The following BRF2 variants were observed in gnomAD, a reference collection of about 807,000 sequenced individuals.
BRF2 encodes the protein BRF2 general transcription factor IIIB subunit.
BRF2 carries 17 observed loss-of-function variants against 26.6 expected under a neutral mutation model. The observed-to-expected ratio is 0.64, with a 90% CI of 0.44 to 0.96. The LOEUF is 0.96. Among genes scored for constraint, BRF2 ranks in the 40% least tolerant of loss-of-function variants. The pLI, the probability that BRF2 is intolerant of heterozygous loss-of-function variation, is 0.00. For missense variants in BRF2, 515 were observed against 537.0 expected (o/e 0.96, Z 0.40); for synonymous variants, 219 against 226.6 (o/e 0.97, Z 0.30).
rs1294253097 is a variant in BRF2, at chr8:37,845,043, G to A, written c.707C>T (p.Ser236Leu). Residue 236 changes from serine to leucine, a missense_variant, in exon 4 of 4, where the codon TCG becomes TTG. Transcript: ENST00000220659. ...TGAAAGCCGATCTGCAGGCTGCAGCGACTGCCAAGCCAGGAAAGTCGCAGC... is the reference window on the plus strand; with the variant it reads ...TGAAAGCCGATCTGCAGGCTGCAGCAACTGCCAAGCCAGGAAAGTCGCAGC... ...ITAATFLAWQ[S>L]LQPADRLSCS... 1 of 1,613,908 alleles carries A rather than the reference G, an allele frequency of 6.2e-7. No individual in the cohort carries two copies. The highest frequency in any genetic ancestry group is 2.2e-5 in the East Asian group (1 of 44,874).
At chr8:37,845,861 C>T in intron 3 of BRF2, 1 of 589,428 alleles carries the variant, frequency 1.7e-6, no homozygotes, top group East Asian at 2.8e-5. Flanking sequence ...ATACTTTCAG[C>T]TTCCTCTGCA....
Position 37,844,502 on chromosome 8 carries a change from AG to A in BRF2, c.1247del (p.Pro416LeufsTer19), listed in dbSNP as rs1805911977. ...CAGTGGATATCCATCAGGGAGGGTT[AG>A]GGACACTCGTGGCAGCCTGTCTAGC... ...QAARQAATSV[P>X]NPP On this transcript the variant is annotated frameshift_variant, in exon 4 of 4. Transcript: ENST00000220659. LOFTEE classifies it high-confidence loss of function. The A allele has an allele frequency of 3.1e-6, 5 of 1,612,868 alleles. No individual in the cohort carries two copies. Among genetic ancestry groups the A allele is most frequent in the Non-Finnish European group, 4.2e-6 (5 of 1,179,924 alleles).
Position 37,844,933 on chromosome 8 carries a change from G to C in BRF2, c.817C>G (p.Leu273Val). The C allele has an allele frequency of 1.2e-6, 2 of 1,614,178 alleles. No homozygotes were observed. The highest frequency in any genetic ancestry group is 2.2e-5 in the South Asian group (2 of 91,092). The stretch of plus-strand genomic sequence containing the variant: ...GCCAGCTGCTCAGCCATCCGCAGCA[G>C]CACAGCCAGCAGCTCCTGCAGGCGG... ...SSRLQELLAV[L>V]LRMAEQLAWL... The change falls in exon 4 of 4, where the codon CTG becomes GTG. Residue 273 changes from leucine to valine, a missense_variant. Transcript: ENST00000220659.
In BRF2 at chr8:37,848,408, A is replaced by G. The variant is rs1307419370; in HGVS notation, c.214+188T>C. On this transcript the variant is annotated intron_variant, in intron 2 of 3. Coordinates refer to ENST00000220659, the MANE Select transcript of BRF2 (RefSeq NM_018310.4). ...ACTACAGGTACATGCCACCATGCCC[A>G]GCTAATTTTTGTATTTTTAGTAGAG... Among the ~76,000 whole-genome samples the G allele has an allele frequency of 4.6e-5, 7 of 151,668 alleles. No homozygotes were observed. In the East Asian group the frequency reaches 1.4e-3, roughly 29 times the overall value.
Position 37,847,326 on chromosome 8 carries a change from A to G in BRF2, c.215-151T>C, listed in dbSNP as rs193232127. On this transcript the variant is annotated intron_variant, in intron 2 of 3. Transcript: ENST00000220659. ...ACCTTTCTGCATAGACAGGAGTGAC[A>G]CTTGGTATAGTCATTCTAAAGACAC... The G allele has an allele frequency of 1.2e-3, 849 of 721,352 alleles. 3 individuals carry two copies. The highest frequency in any genetic ancestry group is 4.8e-3 in the South Asian group (326 of 67,880). The allele number at this position is 721,352 out of a possible 1,614,324, so 44.7% of individuals were successfully genotyped here.
Position 37,843,311 on chromosome 8 carries a change from C to T in BRF2, c.*1179G>A, listed in dbSNP as rs1033151490. 2 of 152,238 alleles carry T rather than the reference C, an allele frequency of 1.3e-5. No individual in the cohort carries two copies. The highest frequency in any genetic ancestry group is 2.9e-5 in the Non-Finnish European group (2 of 68,048). The allele number at this position is 152,238 out of a possible 1,614,324, so 9.4% of individuals were successfully genotyped here. On this transcript the variant is annotated 3_prime_UTR_variant, in exon 4 of 4. Transcript: ENST00000220659. Reference sequence around the variant, plus strand: ...GGACTAAGGAAGAGCACTTCCTTGCCTCCGTAAGGCCAGAGGAAGAACCAT... The same window carrying T: ...GGACTAAGGAAGAGCACTTCCTTGCTTCCGTAAGGCCAGAGGAAGAACCAT...
At chr8:37,846,389 A>G (rs1805956628) in intron 3 of BRF2, among the ~76,000 whole-genome samples, 3 of 152,140 alleles carry the variant, frequency 2.0e-5, no homozygotes, top group Non-Finnish European at 2.9e-5. Flanking sequence ...GTAAAACAAT[A>G]TTAACCTTAT....
At position 37,844,563 on chromosome 8, in the gene BRF2, G is replaced by A; in HGVS notation, c.1187C>T (p.Pro396Leu). 2 of 1,614,072 alleles carry A rather than the reference G, an allele frequency of 1.2e-6. No individual in the cohort carries two copies. Among genetic ancestry groups the A allele is most frequent in the Non-Finnish European group, 1.7e-6 (2 of 1,180,016 alleles). ...DSEIEQYLRT[P>L]QEVRDFQRAQ... is the part of the protein sequence containing the mutation. ...TCTCTGAAAGTCCCTAACTTCCTGA[G>A]GGGTACGCAAATACTGTTCTATTTC... The change falls in exon 4 of 4, where the codon CCT becomes CTT. Residue 396 changes from proline (P) to leucine (L), a missense_variant. Pro to Leu is a moderately conservative substitution (Grantham distance 98). Transcript: ENST00000220659.
intron 3 of BRF2, 142 bp from the exon 4 acceptor site, chr8:37,845,355 T>C (rs113075562): frequency 8.5e-6 from 6 of 707,864 alleles, no homozygotes; most frequent in South Asian, 7.0e-5. Context: ...TTAATAAAGG[T>C]AGTGAGAGAA....
chr8:37,844,506 AC>A lies in BRF2; in HGVS notation c.1243del (p.Val415SerfsTer20). 6.2e-7 allele frequency: 1 copy of A among 1,613,088 alleles called. No homozygotes were observed. Among genetic ancestry groups the A allele is most frequent in the Non-Finnish European group, 8.5e-7 (1 of 1,179,966 alleles). ...AQAARQAATS[V>X]PNPP Reference sequence around the variant, plus strand: ...GGATATCCATCAGGGAGGGTTAGGGACACTCGTGGCAGCCTGTCTAGCAGCC... The same window carrying A: ...GGATATCCATCAGGGAGGGTTAGGGAACTCGTGGCAGCCTGTCTAGCAGCC... On this transcript the variant is annotated frameshift_variant, in exon 4 of 4. Transcript: ENST00000220659. LOFTEE classifies it high-confidence loss of function.
At chr8:37,845,629 G>A (rs1022932925) in intron 3 of BRF2, 5 of 684,270 alleles carry the variant, frequency 7.3e-6, no homozygotes, top group Admixed American at 6.6e-5. Flanking sequence ...AAAAAGAAAA[G>A]AACATAGCTA....
chr8:37,848,906 G>A (rs1278188951), intron 1 of BRF2, among the ~76,000 whole-genome samples: 1 of 152,136 alleles, frequency 6.6e-6, no homozygotes, highest in African/African-American at 2.4e-5. Flanking sequence ...TTCCATACAG[G>A]CAATTTTCCT....
intron 3 of BRF2, chr8:37,845,560 G>A: frequency 3.2e-6 from 2 of 619,180 alleles, no homozygotes; most frequent in Non-Finnish European, 5.7e-6. Context: ...CAGTAACCAA[G>A]CTTCAAATAC....
chr8:37,845,036 C>A lies in BRF2; in HGVS notation c.714G>T (p.Gln238His). The A allele has an allele frequency of 6.2e-7, 1 of 1,613,914 alleles. No homozygotes were observed. The highest frequency in any genetic ancestry group is 8.5e-7 in the Non-Finnish European group (1 of 1,180,010). The change falls in exon 4 of 4, where the codon CAG (glutamine) becomes CAT (histidine). Residue 238 changes from glutamine (Q) to histidine (H), a missense_variant. Gln to His is a conservative substitution (Grantham distance 24, BLOSUM62 0). Coordinates refer to ENST00000220659, the MANE Select transcript of BRF2 (RefSeq NM_018310.4). ...GGGAACATGAAAGCCGATCTGCAGG[C>A]TGCAGCGACTGCCAAGCCAGGAAAG... is the stretch of plus-strand genomic sequence containing the variant. ...AATFLAWQSL[Q>H]PADRLSCSLA...
At position 37,847,352 on chromosome 8, in the gene BRF2, A is replaced by G. The variant is rs1414105148; in HGVS notation, c.215-177T>C. 48 of 703,298 alleles carry G rather than the reference A, an allele frequency of 6.8e-5. No homozygotes were observed. The Admixed American group carries it at 9.1e-4, about 13-fold the overall frequency. 43.6% of individuals were successfully genotyped at this position (703,298 alleles called of 1,614,324 possible). ...CTTGGTATAGTCATTCTAAAGACAC[A>G]AAAACATTTGTGTAAAGAAGTCACA... is the stretch of plus-strand genomic sequence containing the variant. On this transcript the variant is annotated intron_variant, in intron 2 of 3. Coordinates refer to ENST00000220659, the MANE Select transcript of BRF2 (RefSeq NM_018310.4).
chr8:37,846,974 C>A lies in BRF2; in HGVS notation c.416G>T (p.Cys139Phe). Residue 139 changes from cysteine to phenylalanine, a missense_variant, in exon 3 of 4, where the codon TGC becomes TTC. By Grantham distance (205) the Cys-to-Phe change is radical. Coordinates refer to ENST00000220659, the MANE Select transcript of BRF2 (RefSeq NM_018310.4). ...ATCCAAATCTGCATACAACAGCGTGCAGATGGCCCCCATTGTTAGGGGCCA... is the reference window on the plus strand; with the variant it reads ...ATCCAAATCTGCATACAACAGCGTGAAGATGGCCCCCATTGTTAGGGGCCA... Reference protein sequence around the residue: ...HNWPLTMGAICTLLYADLDVF... With the variant: ...HNWPLTMGAIFTLLYADLDVF... The A allele has an allele frequency of 6.2e-7, 1 of 1,614,216 alleles. No individual in the cohort carries two copies. The highest frequency in any genetic ancestry group is 2.2e-5 in the East Asian group (1 of 44,890).
chr8:37,847,350 A>C (rs2130092726), intron 2 of BRF2, 175 bp from the exon 3 acceptor site: 2 of 705,492 alleles, frequency 2.8e-6, no homozygotes, highest in African/African-American at 1.7e-5. Context: ...TTCTAAAGAC[A>C]CAAAAACATT....
At position 37,843,447 on chromosome 8, in the gene BRF2, C is replaced by G. The variant is rs952119511; in HGVS notation, c.*1043G>C. ...AGCCCAGAGGCAGTGGCTGGGGTCC[C>G]TGCAGGTCATGAGGGGCCTATGCCT... On this transcript the variant is annotated 3_prime_UTR_variant, in exon 4 of 4. Transcript: ENST00000220659. 3 of 152,270 alleles carry G rather than the reference C, an allele frequency of 2.0e-5. No individual in the cohort carries two copies. The highest frequency in any genetic ancestry group is 4.4e-5 in the Non-Finnish European group (3 of 68,078). The allele number at this position is 152,270 out of a possible 1,614,324, so 9.4% of individuals were successfully genotyped here.
chr8:37,846,743 G>T, intron 3 of BRF2, 111 bp downstream of exon 3: 2 of 780,454 alleles, frequency 2.6e-6, no homozygotes, highest in South Asian at 3.4e-5. Flanking sequence ...CTCCAGCCTG[G>T]GTGATAAGAG....
Sources: gnomAD v4.1 joint callset for allele counts (sites outside exome capture counted in the v4.1 genomes callset) on GRCh38, gnomAD v4.1.1 for gene constraint, MANE v1.5 for transcripts, NCBI Gene and HGNC (gene_info 2026-07-23, HGNC 2026-07-21) for gene names.